Variants in EHBP1 observed in about 807,000 individuals in gnomAD.
EHBP1 encodes EH domain binding protein 1.
Under a neutral mutation model 144.0 loss-of-function variants are expected in EHBP1, and 55 were observed. That is an observed-to-expected ratio of 0.38 (90% CI 0.31 to 0.48). EHBP1 has a LOEUF of 0.48. EHBP1 is among the 20% of genes least tolerant of loss of function. The pLI is 0.98. For synonymous variants in EHBP1, 469 were observed against 472.7 expected (o/e 0.99, Z 0.10); for missense variants, 1,200 against 1,364.2 (o/e 0.88, Z 1.90).
At chr2:62,855,049 A>G (rs1244967941) in intron 7 of EHBP1, among the ~76,000 whole-genome samples, 5 of 152,212 alleles carry the variant, frequency 3.3e-5, no homozygotes, top group Non-Finnish European at 7.3e-5. Context: ...TGCAGGGAGC[A>G]GGCAGGAGCC....
chr2:63,030,549 GCA>G (rs2061195748), intron 19 of EHBP1, among the ~76,000 whole-genome samples: 1 of 151,658 alleles, frequency 6.6e-6, no homozygotes, highest in Non-Finnish European at 1.5e-5. Context: ...GTGCAGTGGT[GCA>G]ATCTCGGCCC....
chr2:62,868,721 G>T (rs1335406894), intron 9 of EHBP1, among the ~76,000 whole-genome samples: 1 of 152,106 alleles, frequency 6.6e-6, no homozygotes. Context: ...GCTGTGGTTG[G>T]AGGATCTCTT....
rs145427390 is a variant in EHBP1, at chr2:62,996,726, C to T, written c.3063C>T (p.Ala1021=). 15 of 1,612,994 alleles carry T rather than the reference C, an allele frequency of 9.3e-6. No individual in the cohort carries two copies. Among genetic ancestry groups the T allele is most frequent in the Admixed American group, 6.7e-5 (4 of 59,824 alleles). The part of the protein sequence containing the change: ...ENEQKQIDTR[A]ALVEKRLRYL... ...AGCAAAAGCAAATTGACACCCGTGC[C>T]GCGCTGGTGGAGAAGCGCCTTCGCT... Residue 1021 remains alanine (A), a synonymous_variant, in exon 19 of 23, where the codon GCC becomes GCT. Coordinates refer to ENST00000431489, the MANE Select transcript of EHBP1 (RefSeq NM_001142616.3).
intron 5 of EHBP1, among the ~76,000 whole-genome samples, chr2:62,785,395 GCAGA>G (rs1239478813): frequency 6.6e-6 from 1 of 152,210 alleles, no homozygotes; most frequent in Non-Finnish European, 1.5e-5. Context: ...CTTAGCAGGT[GCAGA>G]CAGAGAAGAG....
At chr2:62,724,688 T>C (rs985452182) in intron 2 of EHBP1, among the ~76,000 whole-genome samples, 4 of 151,900 alleles carry the variant, frequency 2.6e-5, no homozygotes, top group South Asian at 2.1e-4. Flanking sequence ...GAGGAGGGGT[T>C]CCCAACCCCT....
chr2:63,009,217 T>G (rs1427893401), intron 19 of EHBP1, among the ~76,000 whole-genome samples: 1 of 151,624 alleles, frequency 6.6e-6, no homozygotes, highest in African/African-American at 2.4e-5. Flanking sequence ...AGAGAATACT[T>G]TACACTGTAA....
intron 7 of EHBP1, among the ~76,000 whole-genome samples, chr2:62,855,276 A>T (rs2048960573): frequency 6.6e-6 from 1 of 152,174 alleles, no homozygotes; most frequent in African/African-American, 2.4e-5. Flanking sequence ...GCACATGCTC[A>T]GGGCAGTGCT....
chr2:62,867,960 A>T (rs1012032784), intron 9 of EHBP1, among the ~76,000 whole-genome samples: 1 of 152,212 alleles, frequency 6.6e-6, no homozygotes, highest in African/African-American at 2.4e-5. Flanking sequence ...TCAAGAAATG[A>T]TGCTAGAACA....
chr2:62,719,900 CTG>C (rs754794076), intron 2 of EHBP1, among the ~76,000 whole-genome samples: 2 of 152,166 alleles, frequency 1.3e-5, no homozygotes, highest in Non-Finnish European at 2.9e-5. Context: ...TAATGGAAGA[CTG>C]TACTAGCTTG....
At chr2:62,741,819 A>G (rs2038736296) in intron 2 of EHBP1, among the ~76,000 whole-genome samples, 1 of 152,200 alleles carries the variant, frequency 6.6e-6, no homozygotes, top group Non-Finnish European at 1.5e-5. Context: ...AACAAAAAAT[A>G]ATATAAACAA....
At chr2:62,719,172 G>T (rs1196528250) in intron 2 of EHBP1, among the ~76,000 whole-genome samples, 1 of 151,914 alleles carries the variant, frequency 6.6e-6, no homozygotes, top group African/African-American at 2.4e-5. Flanking sequence ...TTGCCATGTT[G>T]CCCAGGCTGG....
At chr2:63,021,372 AT>A (rs1004380271) in intron 19 of EHBP1, among the ~76,000 whole-genome samples, 1 of 152,120 alleles carries the variant, frequency 6.6e-6, no homozygotes, top group African/African-American at 2.4e-5. Context: ...ACTTTAATGA[AT>A]GTTTTGTGAA....
chr2:62,820,737 A>AATAT (rs57039974), intron 5 of EHBP1, among the ~76,000 whole-genome samples: 5,402 of 54,292 alleles, frequency 0.099, 462 homozygotes, highest in Non-Finnish European at 0.12. Context: ...GTGTGTGTAT[A>AATAT]ATATATATAT....
intron 19 of EHBP1, among the ~76,000 whole-genome samples, chr2:63,008,636 T>C (rs1312920933): frequency 6.6e-6 from 1 of 150,984 alleles, no homozygotes; most frequent in Non-Finnish European, 1.5e-5. Context: ...TTTTTTTTCT[T>C]ATTTGGCTTT....
chr2:62,842,194 C>T (rs556934711), intron 7 of EHBP1, among the ~76,000 whole-genome samples: 1 of 152,182 alleles, frequency 6.6e-6, no homozygotes, highest in African/African-American at 2.4e-5. Context: ...TCAAGGGATT[C>T]TCCTGCCTCA....
At chr2:62,925,541 A>C (rs932947400) in intron 10 of EHBP1, among the ~76,000 whole-genome samples, 1 of 152,170 alleles carries the variant, frequency 6.6e-6, no homozygotes, top group Non-Finnish European at 1.5e-5. Flanking sequence ...GACTGTACCA[A>C]ATTACTCTTA....
chr2:63,002,707 TAC>T (rs1180622330), intron 19 of EHBP1, among the ~76,000 whole-genome samples: 3 of 152,124 alleles, frequency 2.0e-5, no homozygotes, highest in Non-Finnish European at 2.9e-5. Flanking sequence ...ATGATCAAAG[TAC>T]AGAGTAGTCT....
intron 10 of EHBP1, among the ~76,000 whole-genome samples, chr2:62,914,296 A>G (rs2152986048): frequency 6.6e-6 from 1 of 152,190 alleles, no homozygotes; most frequent in East Asian, 1.9e-4. Context: ...CTCTAGGGAA[A>G]TCTTCAAACA....
rs530513802 is a variant in EHBP1 at position 62,891,157 on chromosome 2, A to T, written c.1185+16625A>T. Among the ~76,000 whole-genome samples the T allele has an allele frequency of 5.6e-5, 8 of 142,724 alleles. No homozygotes were observed. In the East Asian group the frequency reaches 1.8e-3, roughly 31 times the overall value. The allele number at this position is 142,724 out of a possible 152,430, so 93.6% of individuals were successfully genotyped here. A position where few individuals can be genotyped will look rare whatever the true frequency, so the allele number is the denominator to read the frequency against. On this transcript the variant is annotated intron_variant, in intron 10 of 22. Transcript: ENST00000431489. ...ACGCCATTGCACTCCAGCCTGGGCG[A>T]CAAAAAAAAAAAAAAAAGTCTCTAT... is the stretch of plus-strand genomic sequence containing the variant.
Sources: allele counts gnomAD v4.1 joint callset (sites outside exome capture counted in the v4.1 genomes callset), GRCh38; gene constraint gnomAD v4.1.1; transcripts MANE v1.5; gene names NCBI Gene and HGNC (gene_info 2026-07-23, HGNC 2026-07-21).